The following BIRC6 variants were observed in gnomAD, a reference collection of about 807,000 sequenced individuals.
BIRC6 encodes the protein dual E2 ubiquitin-conjugating enzyme/E3 ubiquitin-protein ligase BIRC6.
A neutral mutation model predicts 503.3 loss-of-function variants in BIRC6; 98 were observed. The observed-to-expected ratio is 0.19, with a 90% CI of 0.17 to 0.23. The LOEUF (loss-of-function observed/expected upper bound fraction) is 0.23. Ranked by LOEUF, BIRC6 falls within the 10% of genes least tolerant of loss-of-function variation. The probability of loss-of-function intolerance (pLI) is 1.00; values close to 1 mark genes in which losing one functional copy is unlikely to be tolerated. For synonymous variants in BIRC6, 2,240 were observed against 2,078.7 expected, an observed-to-expected ratio of 1.08 and a Z score of -2.11; for missense variants, 5,360 against 5,806.0, an observed-to-expected ratio of 0.92 and a Z score of 2.50.
chr2:32,531,689 C>G (rs1163982076), intron 61 of BIRC6, 138 bp downstream of exon 61: 1 of 758,884 alleles, frequency 1.3e-6, no homozygotes, highest in Non-Finnish European at 2.1e-6. Context: ...TTATATAACT[C>G]TTTCAATGGT....
rs748200286 is a variant in BIRC6 at position 32,491,442 on chromosome 2, A to G, written c.8224A>G (p.Ile2742Val). 1 of 1,611,504 alleles carries G rather than the reference A, an allele frequency of 6.2e-7. No homozygotes were observed. Among genetic ancestry groups the G allele is most frequent in the Non-Finnish European group, 8.5e-7 (1 of 1,179,016 alleles). Residue 2742 changes from isoleucine to valine, a missense_variant, in exon 44 of 74, where the codon ATT (isoleucine) becomes GTT (valine). Ile to Val is a conservative substitution (Grantham distance 29, BLOSUM62 3). Coordinates refer to ENST00000421745, the MANE Select transcript of BIRC6 (RefSeq NM_016252.4). ...TTTTATAGCTGGTTCCAGCAGTGCCATTGGAACTCAGGAGAGTACTGCTCA... is the reference window on the plus strand; with the variant it reads ...TTTTATAGCTGGTTCCAGCAGTGCCGTTGGAACTCAGGAGAGTACTGCTCA... ...MQLNSGSSSA[I>V]GTQESTAHLL...
At chr2:32,448,511 C>T (rs1361586256) in intron 21 of BIRC6, among the ~76,000 whole-genome samples, 1 of 152,194 alleles carries the variant, frequency 6.6e-6, no homozygotes, top group Non-Finnish European at 1.5e-5. Context: ...ACCAGTCAGG[C>T]GTGGCGACGC....
chr2:32,593,916 T>C lies in BIRC6; in HGVS notation c.13357T>C (p.Ser4453Pro). The change falls in exon 67 of 74, where the codon TCT (serine) becomes CCT (proline). Residue 4453 changes from serine to proline, a missense_variant and splice_region_variant. Transcript: ENST00000421745. The part of the protein sequence containing the change: ...CVDTYTNRLR[S>P]KRENVKTGVK... ...TCTTTCCATATTAAAAAAATTCAGA[T>C]CTAAAAGGGAAAATGTTAAAACAGG... The C allele has an allele frequency of 1.2e-6, 2 of 1,608,228 alleles. No homozygotes were observed. Among genetic ancestry groups the C allele is most frequent in the Non-Finnish European group, 1.7e-6 (2 of 1,178,242 alleles).
At chr2:32,556,201 G>T (rs567900316) in intron 65 of BIRC6, among the ~76,000 whole-genome samples, 58 of 152,196 alleles carry the variant, frequency 3.8e-4, no homozygotes, top group Non-Finnish European at 7.9e-4. Context: ...ATGTGGAAAT[G>T]ACTTTGGTAT....
chr2:32,423,145 GTCTCTAAC>G (rs1300891932), intron 10 of BIRC6, among the ~76,000 whole-genome samples: 1 of 152,150 alleles, frequency 6.6e-6, no homozygotes, highest in African/African-American at 2.4e-5. Flanking sequence ...GGCCAGGCTG[GTCTCTAAC>G]TCCTGACCTT....
chr2:32,549,655 C>A lies in BIRC6; in HGVS notation c.13144+174C>A, dbSNP rs1421262968. On this transcript the variant is annotated intron_variant, in intron 65 of 73. Transcript: ENST00000421745. ...AATTTGATACTTTGTCATCACTTAC[C>A]ATAGAACACAGAATAATAAAAGTTT... 2.6e-5 allele frequency among the ~76,000 whole-genome samples: 4 copies of A among 152,138 alleles called. No individual in the cohort carries two copies. In the East Asian group the frequency reaches 7.7e-4, roughly 29 times the overall value.
chr2:32,446,890 G>A (rs1357229634), intron 21 of BIRC6, among the ~76,000 whole-genome samples: 3 of 127,158 alleles, frequency 2.4e-5, no homozygotes, highest in Non-Finnish European at 3.3e-5. Flanking sequence ...CTAGGCAGAG[G>A]ACCCTGCGGC....
chr2:32,601,637 A>G (rs1418558064), intron 70 of BIRC6, among the ~76,000 whole-genome samples: 1 of 152,182 alleles, frequency 6.6e-6, no homozygotes, highest in African/African-American at 2.4e-5. Flanking sequence ...TAAAATTATT[A>G]AATTATTAAA....
At chr2:32,521,365 C>CAAAAAAAAAAAAAAAAAAAAAAAAAAAAA (rs35410265) in intron 57 of BIRC6, among the ~76,000 whole-genome samples, 3 of 21,518 alleles carry the variant, frequency 1.4e-4, no homozygotes, top group Admixed American at 1.1e-3. Context: ...GACCTCATCT[C>CAAAAAAAAAAAAAAAAAAAAAAAAAAAAA]AAAAAAAAAA....
chr2:32,482,277 A>T (rs1226017804), intron 38 of BIRC6, among the ~76,000 whole-genome samples, 152 bp from the exon 39 acceptor site: 1 of 152,246 alleles, frequency 6.6e-6, no homozygotes. Flanking sequence ...GACCATTCTT[A>T]TAAATCATTA....
At chr2:32,397,693 T>TACACAC (rs148310332) in intron 6 of BIRC6, among the ~76,000 whole-genome samples, 35 of 144,724 alleles carry the variant, frequency 2.4e-4, no homozygotes, top group East Asian at 6.0e-4. Flanking sequence ...CATATATATG[T>TACACAC]ACACACACAC....
At chr2:32,518,167 C>CGA in intron 55 of BIRC6, 87 bp from the exon 56 acceptor site, 3 of 1,245,472 alleles carry the variant, frequency 2.4e-6, no homozygotes, top group Non-Finnish European at 3.3e-6. Context: ...TAAACTTATT[C>CGA]ATATTTTCTG....
rs557121563 is a variant in BIRC6 at position 32,378,332 on chromosome 2, A to G, written c.507+563A>G. On this transcript the variant is annotated intron_variant, in intron 2 of 73. Transcript: ENST00000421745. ...TCTCATATAGCCTCATATTTACCCCATTAGACAGAATTTAGTCACATGACC... is the reference window on the plus strand; with the variant it reads ...TCTCATATAGCCTCATATTTACCCCGTTAGACAGAATTTAGTCACATGACC... Among the ~76,000 whole-genome samples, 6 of 152,014 alleles carry G rather than the reference A, an allele frequency of 3.9e-5. No individual in the cohort carries two copies. The South Asian group carries it at 1.2e-3, about 32-fold the overall frequency.
chr2:32,533,430 T>A (rs1203378356), intron 61 of BIRC6, among the ~76,000 whole-genome samples: 1 of 152,150 alleles, frequency 6.6e-6, no homozygotes, highest in East Asian at 1.9e-4. Flanking sequence ...AGATATAAAT[T>A]GAGAGAAGAA....
chr2:32,606,360 G>C (rs1008721659), intron 71 of BIRC6, among the ~76,000 whole-genome samples: 3 of 151,992 alleles, frequency 2.0e-5, no homozygotes, highest in Non-Finnish European at 4.4e-5. Flanking sequence ...GGCCAAGGTG[G>C]GCAGATCACC....
At chr2:32,498,105 A>G (rs529771184) in intron 45 of BIRC6, among the ~76,000 whole-genome samples, 1 of 152,162 alleles carries the variant, frequency 6.6e-6, no homozygotes, top group Non-Finnish European at 1.5e-5. Context: ...TCTGTCGCAC[A>G]GGTTGGAGCG....
chr2:32,485,198 TTGTG>T, intron 39 of BIRC6, among the ~76,000 whole-genome samples: 1 of 152,344 alleles, frequency 6.6e-6, no homozygotes, highest in African/African-American at 2.4e-5. Flanking sequence ...GAGTATGTGT[TTGTG>T]TGTGCGTGTG....
intron 72 of BIRC6, among the ~76,000 whole-genome samples, chr2:32,610,988 A>T (rs1251842397): frequency 6.6e-6 from 1 of 152,082 alleles, no homozygotes; most frequent in East Asian, 1.9e-4. Context: ...ATCTCCCAGA[A>T]TGCTGGGATT....
rs1402372250 is a variant in BIRC6, at chr2:32,519,276, A to G, written c.11623+330A>G. ...TTGCAGGATATTTGGTTGAATAGCAAGATTCTAATTAATACACATTTACTA... is the reference window on the plus strand; with the variant it reads ...TTGCAGGATATTTGGTTGAATAGCAGGATTCTAATTAATACACATTTACTA... On this transcript the variant is annotated intron_variant, in intron 57 of 73. Coordinates refer to ENST00000421745, the MANE Select transcript of BIRC6 (RefSeq NM_016252.4). 1.8e-5 allele frequency: 4 copies of G among 222,454 alleles called. No individual in the cohort carries two copies. In the East Asian group the frequency reaches 3.0e-4, roughly 17 times the overall value. 13.8% of individuals were successfully genotyped at this position (222,454 alleles called of 1,614,324 possible). A position where few individuals can be genotyped will look rare whatever the true frequency, so the allele number is the denominator to read the frequency against.
Sources: allele counts gnomAD v4.1 joint callset (sites outside exome capture counted in the v4.1 genomes callset), GRCh38; gene constraint gnomAD v4.1.1; transcripts MANE v1.5; gene names NCBI Gene and HGNC (gene_info 2026-07-23, HGNC 2026-07-21).